The following ADGRL4 variants were observed in gnomAD, a reference collection of about 807,000 sequenced individuals.
ADGRL4 encodes the protein EGF, latrophilin and seven transmembrane domain containing 1.
A neutral mutation model predicts 74.8 loss-of-function variants in ADGRL4; 90 were observed. The observed-to-expected ratio is 1.20, with a 90% CI of 1.02 to 1.43. The LOEUF is 1.43. ADGRL4 is among the 40% of genes most tolerant of loss of function. The pLI, the probability that ADGRL4 is intolerant of heterozygous loss-of-function variation, is 0.00. For missense variants in ADGRL4, 881 were observed against 814.3 expected (o/e 1.08, Z -1.00); for synonymous variants, 311 against 279.2 (o/e 1.11, Z -1.14).
intron 2 of ADGRL4, among the ~76,000 whole-genome samples, chr1:78,985,537 A>G (rs896607823): frequency 2.0e-5 from 3 of 151,858 alleles, no homozygotes; most frequent in African/African-American, 7.2e-5. Flanking sequence ...TTGGTATAAT[A>G]TATTTCCTCC....
At chr1:78,908,962 A>G (rs1474602386) in intron 12 of ADGRL4, among the ~76,000 whole-genome samples, 1 of 151,978 alleles carries the variant, frequency 6.6e-6, no homozygotes, top group African/African-American at 2.4e-5. Context: ...ATGTTTTTAT[A>G]TAATTCCACT....
intron 12 of ADGRL4, among the ~76,000 whole-genome samples, chr1:78,906,516 T>C (rs949436565): frequency 1.3e-5 from 2 of 152,000 alleles, no homozygotes; most frequent in African/African-American, 4.8e-5. Context: ...TAGATGATTT[T>C]AAACCATGGA....
intron 7 of ADGRL4, among the ~76,000 whole-genome samples, chr1:78,927,734 C>T (rs1027654373): frequency 1.3e-5 from 2 of 152,024 alleles, no homozygotes; most frequent in African/African-American, 4.8e-5. Flanking sequence ...TTAATATCAT[C>T]AAATAAAAGG....
intron 2 of ADGRL4, among the ~76,000 whole-genome samples, chr1:79,003,042 T>C (rs1028770924): frequency 6.6e-6 from 1 of 151,954 alleles, no homozygotes; most frequent in African/African-American, 2.4e-5. Context: ...AGAAAACAAA[T>C]TCGATTCCTC....
chr1:78,955,738 T>G (rs1649816666), intron 2 of ADGRL4, among the ~76,000 whole-genome samples: 1 of 152,112 alleles, frequency 6.6e-6, no homozygotes, highest in South Asian at 2.1e-4. Context: ...CTAATTTACT[T>G]AGAACAGTTT....
chr1:78,926,239 G>C (rs1649112185), intron 8 of ADGRL4, among the ~76,000 whole-genome samples: 1 of 152,084 alleles, frequency 6.6e-6, no homozygotes, highest in African/African-American at 2.4e-5. Context: ...TCTGTTGAAA[G>C]TTTAAGATAA....
chr1:78,978,852 C>T (rs1423018271), intron 2 of ADGRL4, among the ~76,000 whole-genome samples: 3 of 151,886 alleles, frequency 2.0e-5, no homozygotes, highest in Non-Finnish European at 4.4e-5. Flanking sequence ...AATCTAATGC[C>T]AAAGATCTTA....
chr1:78,941,216 A>G (rs1295976621), intron 3 of ADGRL4, among the ~76,000 whole-genome samples: 1 of 152,218 alleles, frequency 6.6e-6, no homozygotes, highest in Non-Finnish European at 1.5e-5. Flanking sequence ...ACCATCAAGG[A>G]AAGCATTCTA....
chr1:78,947,452 A>G (rs1570247579), intron 2 of ADGRL4, among the ~76,000 whole-genome samples: 1 of 152,200 alleles, frequency 6.6e-6, no homozygotes, highest in African/African-American at 2.4e-5. Flanking sequence ...CACAAAAGCT[A>G]GAGGAGGCAA....
intron 3 of ADGRL4, among the ~76,000 whole-genome samples, chr1:78,942,070 G>C (rs1649496539): frequency 6.6e-6 from 1 of 150,972 alleles, no homozygotes; most frequent in Non-Finnish European, 1.5e-5. Context: ...ATGGGTGGCA[G>C]GTGCCTGTAG....
chr1:78,973,755 T>A (rs1035860665), intron 2 of ADGRL4, among the ~76,000 whole-genome samples: 2 of 151,562 alleles, frequency 1.3e-5, no homozygotes, highest in Non-Finnish European at 2.9e-5. Flanking sequence ...TCTTAACTTA[T>A]AAAAAGTGCT....
At chr1:78,944,986 A>T (rs1184640006) in intron 3 of ADGRL4, among the ~76,000 whole-genome samples, 2 of 151,700 alleles carry the variant, frequency 1.3e-5, no homozygotes, top group Non-Finnish European at 2.9e-5. Flanking sequence ...GCAACACGGT[A>T]AAACCCTGCC....
chr1:78,937,354 A>G (rs1426049599), intron 6 of ADGRL4, among the ~76,000 whole-genome samples: 2 of 152,182 alleles, frequency 1.3e-5, no homozygotes, highest in Non-Finnish European at 2.9e-5. Flanking sequence ...CTGAGACAGG[A>G]GAATTGCTTG....
intron 2 of ADGRL4, among the ~76,000 whole-genome samples, chr1:78,979,991 C>G (rs192708940): frequency 6.6e-6 from 1 of 151,802 alleles, no homozygotes; most frequent in Non-Finnish European, 1.5e-5. Flanking sequence ...TGCTAAAGAA[C>G]GTATCCACGG....
chr1:78,975,963 TC>T (rs1650269123), intron 2 of ADGRL4, among the ~76,000 whole-genome samples: 1 of 151,818 alleles, frequency 6.6e-6, no homozygotes, highest in Admixed American at 6.6e-5. Flanking sequence ...TGGACAACAG[TC>T]ATCAAAAAAC....
At chr1:78,920,420 A>G (rs750005875) in intron 9 of ADGRL4, 34 bp from the exon 10 acceptor site, 2 of 1,349,242 alleles carry the variant, frequency 1.5e-6, no homozygotes, top group South Asian at 1.3e-5. Context: ...AGTTAAAAGA[A>G]TAACTCACTA....
At chr1:78,930,451 T>A (rs1286613682) in intron 7 of ADGRL4, among the ~76,000 whole-genome samples, 2 of 40,868 alleles carry the variant, frequency 4.9e-5, no homozygotes, top group Non-Finnish European at 1.2e-4. Context: ...AAGCTGATTT[T>A]TTTTTTTTTT....
intron 12 of ADGRL4, among the ~76,000 whole-genome samples, chr1:78,910,871 T>C (rs1648748623): frequency 6.6e-6 from 1 of 151,832 alleles, no homozygotes; most frequent in Non-Finnish European, 1.5e-5. Context: ...CTGGTTCATA[T>C]TTCAGAATTC....
intron 12 of ADGRL4, among the ~76,000 whole-genome samples, chr1:78,904,495 A>G (rs1338731048): frequency 6.6e-6 from 1 of 152,008 alleles, no homozygotes; most frequent in Non-Finnish European, 1.5e-5. Context: ...TGTATAAGAT[A>G]ATTTATATAA....
Sources: gnomAD v4.1 joint callset for allele counts (sites outside exome capture counted in the v4.1 genomes callset) on GRCh38, gnomAD v4.1.1 for gene constraint, MANE v1.5 for transcripts, NCBI Gene and HGNC (gene_info 2026-07-23, HGNC 2026-07-21) for gene names.